Variants in HMCN2 observed in about 807,000 individuals in gnomAD.
HMCN2 encodes the protein hemicentin-2.
A neutral mutation model predicts 377.5 loss-of-function variants in HMCN2; 325 were observed. The ratio of observed to expected loss-of-function variants is 0.86; its 90% CI spans 0.79 to 0.94. The LOEUF (loss-of-function observed/expected upper bound fraction) is 0.94, where lower values mean the gene tolerates loss of function less well. HMCN2 is among the 40% of genes least tolerant of loss of function. The pLI is 0.00. For missense variants in HMCN2, 4,543 were observed against 4,725.3 expected, an observed-to-expected ratio of 0.96 and a Z score of 1.13; for synonymous variants, 2,007 against 2,046.8, an observed-to-expected ratio of 0.98 and a Z score of 0.53.
intron 6 of HMCN2, 97 bp downstream of exon 6, chr9:130,295,869 G>A (rs921076341): frequency 1.4e-5 from 6 of 422,748 alleles, no homozygotes; most frequent in Non-Finnish European, 2.9e-5. Context: ...GCCTCGGGAA[G>A]CTGATGGCTA....
intron 61 of HMCN2, among the ~76,000 whole-genome samples, chr9:130,387,112 G>A (rs1313764612): frequency 6.6e-6 from 1 of 152,194 alleles, no homozygotes; most frequent in Admixed American, 6.5e-5. Flanking sequence ...ATCCCCAGGG[G>A]GGCCTGTCCC....
At chr9:130,272,033 C>T (rs1554921305) in intron 1 of HMCN2, among the ~76,000 whole-genome samples, 1 of 149,014 alleles carries the variant, frequency 6.7e-6, no homozygotes, top group African/African-American at 2.4e-5. Context: ...TGTCTCCTGC[C>T]ACCCACCATC....
chr9:130,365,736 C>T lies in HMCN2; in HGVS notation c.6505+9C>T, dbSNP rs1241033245. ...CAATCTGAACGTCTGGGGTGAGGGT[C>T]TCCCAGGCTGGGCAGGGGGAGGGGG... On this transcript the variant is annotated intron_variant, in intron 42 of 97. Transcript: ENST00000683500. 5.1e-6 allele frequency: 5 copies of T among 985,028 alleles called. No individual in the cohort carries two copies. Among genetic ancestry groups the T allele is most frequent in the Non-Finnish European group, 6.0e-6 (5 of 829,250 alleles). 61.0% of individuals were successfully genotyped at this position (985,028 alleles called of 1,614,324 possible).
chr9:130,405,584 C>T (rs1843052060), intron 81 of HMCN2, among the ~76,000 whole-genome samples: 1 of 152,204 alleles, frequency 6.6e-6, no homozygotes, highest in African/African-American at 2.4e-5. Flanking sequence ...CGCACCGGCC[C>T]TGCTTGAATG....
At chr9:130,395,457 T>A in intron 71 of HMCN2, 110 bp downstream of exon 71, 1 of 933,980 alleles carries the variant, frequency 1.1e-6, no homozygotes, top group African/African-American at 1.7e-5. Flanking sequence ...CGCTCTGAGC[T>A]GCACTTTGCA....
intron 74 of HMCN2, 70 bp from the exon 75 acceptor site, chr9:130,398,481 G>T (rs190660862): frequency 2.1e-4 from 185 of 883,228 alleles, no homozygotes; most frequent in Middle Eastern, 1.4e-3. Flanking sequence ...TTGCCCCTGG[G>T]CACAGCCTCA....
chr9:130,378,527 G>T (rs1307812450), intron 53 of HMCN2, among the ~76,000 whole-genome samples: 2 of 130,992 alleles, frequency 1.5e-5, no homozygotes. Context: ...GCTGGGAGGG[G>T]GAGGCAGGGA....
At chr9:130,278,408 G>A (rs961833599) in intron 1 of HMCN2, among the ~76,000 whole-genome samples, 1 of 151,886 alleles carries the variant, frequency 6.6e-6, no homozygotes, top group African/African-American at 2.4e-5. Context: ...ACAGGCGTGA[G>A]CCACCGCGCC....
chr9:130,412,544 T>C (rs1843476851), intron 85 of HMCN2, among the ~76,000 whole-genome samples: 1 of 147,108 alleles, frequency 6.8e-6, no homozygotes, highest in African/African-American at 2.5e-5. Context: ...GTCTTTTTCT[T>C]TTCTTTTCTT....
At chr9:130,344,680 G>C (rs1302084955) in intron 25 of HMCN2, among the ~76,000 whole-genome samples, 1 of 149,002 alleles carries the variant, frequency 6.7e-6, no homozygotes, top group African/African-American at 2.5e-5. Context: ...TATGTTGTTT[G>C]ATGTGTATGT....
chr9:130,385,848 G>A (rs892452813), intron 60 of HMCN2, 86 bp downstream of exon 60: 11 of 981,294 alleles, frequency 1.1e-5, no homozygotes, highest in African/African-American at 1.7e-5. Context: ...AGGAAGGTGG[G>A]CAGGATGTGA....
chr9:130,322,434 G>A (rs944031874), intron 19 of HMCN2, among the ~76,000 whole-genome samples: 2,160 of 151,626 alleles, frequency 0.014, 49 homozygotes, highest in African/African-American at 0.044. Context: ...AACCAAATAG[G>A]ATCACATGCT....
At chr9:130,284,873 G>C (rs938631893) in intron 2 of HMCN2, among the ~76,000 whole-genome samples, 200 bp downstream of exon 2, 1 of 152,222 alleles carries the variant, frequency 6.6e-6, no homozygotes, top group Non-Finnish European at 1.5e-5. Context: ...TACTCGTCAC[G>C]GTGCTGGGCT....
chr9:130,299,379 T>C (rs1272646556), intron 8 of HMCN2, 91 bp downstream of exon 8: 1 of 367,114 alleles, frequency 2.7e-6, no homozygotes, highest in African/African-American at 2.1e-5. Flanking sequence ...TTAGATTAAA[T>C]TAGATTAGAA....
In HMCN2 at chr9:130,357,850, T is replaced by C; in HGVS notation, c.5442T>C (p.Ser1814=). 7.7e-7 allele frequency: 1 copy of C among 1,303,724 alleles called. No individual in the cohort carries two copies. Among genetic ancestry groups the C allele is most frequent in the Non-Finnish European group, 1.0e-6 (1 of 988,658 alleles). The allele number at this position is 1,303,724 out of a possible 1,614,324, so 80.8% of individuals were successfully genotyped here. The change falls in exon 35 of 98, where the codon AGT becomes AGC. Residue 1814 remains serine, a synonymous_variant. Coordinates refer to ENST00000683500, the MANE Select transcript of HMCN2 (RefSeq NM_001291815.2). Reference sequence around the variant, plus strand: ...CCTTCCCAGAGTTCCCATCGGTCAGTATCATTGGGGGTGAGAACATCACAG... The same window carrying C: ...CCTTCCCAGAGTTCCCATCGGTCAGCATCATTGGGGGTGAGAACATCACAG... ...EVSVHEFPSV[S]IIGGENITAP...
chr9:130,394,664 A>G lies in HMCN2; in HGVS notation c.10692+89A>G, dbSNP rs1257359073. On this transcript the variant is annotated intron_variant, in intron 69 of 97. Coordinates refer to ENST00000683500, the MANE Select transcript of HMCN2 (RefSeq NM_001291815.2). This position sits in a 1 kb window ranked among gnomAD's most constrained non-coding sequence, Gnocchi z 5.1. ...CCCCAGACCCAGTGGGCAGTTGACAAAGTTGGGCTGAAGCACCTCCTCTGT... is the reference window on the plus strand; with the variant it reads ...CCCCAGACCCAGTGGGCAGTTGACAGAGTTGGGCTGAAGCACCTCCTCTGT... 2 of 1,070,088 alleles carry G rather than the reference A, an allele frequency of 1.9e-6. No individual in the cohort carries two copies. The highest frequency in any genetic ancestry group is 2.4e-6 in the Non-Finnish European group (2 of 821,094). 66.3% of individuals were successfully genotyped at this position (1,070,088 alleles called of 1,614,324 possible). A position where few individuals can be genotyped will look rare whatever the true frequency, so the allele number is the denominator to read the frequency against.
rs1242262740 is a variant in HMCN2, at chr9:130,400,896, G to A, written c.11719G>A (p.Ala3907Thr). ...AGCTCCGACCGTGTCCTGGAGCAAGGCAGGCGCCCAGCTAGGAGCTCGGGG... is the reference window on the plus strand; with the variant it reads ...AGCTCCGACCGTGTCCTGGAGCAAGACAGGCGCCCAGCTAGGAGCTCGGGG... ...IPAPTVSWSK[A>T]GAQLGARGSG... Residue 3907 changes from alanine to threonine, a missense_variant, in exon 77 of 98, where the codon GCA becomes ACA. By Grantham distance (58) the Ala-to-Thr change is moderately conservative. Around this residue, in one of 5 missense-constraint regions of HMCN2, gnomAD observed 1,073 missense variants for 1,319.5 expected, o/e 0.81. Transcript: ENST00000683500. The A allele has an allele frequency of 1.6e-6, 2 of 1,289,432 alleles. No homozygotes were observed. The highest frequency in any genetic ancestry group is 1.5e-5 in the African/African-American group (1 of 65,858). The allele number at this position is 1,289,432 out of a possible 1,614,324, so 79.9% of individuals were successfully genotyped here.
Position 130,302,344 on chromosome 9 carries a change from A to G in HMCN2, c.1277-513A>G, listed in dbSNP as rs959551637. ...TACAGGCGTGAGCCATCGCGCCTGG[A>G]CTGGTGGGCTCATTTTTAAATGAAA... On this transcript the variant is annotated intron_variant, in intron 8 of 97. Coordinates refer to ENST00000683500, the MANE Select transcript of HMCN2 (RefSeq NM_001291815.2). 6.6e-5 allele frequency among the ~76,000 whole-genome samples: 10 copies of G among 152,136 alleles called. No homozygotes were observed. The South Asian group carries it at 2.1e-3, about 32-fold the overall frequency.
chr9:130,314,715 C>T (rs989663041), intron 15 of HMCN2, among the ~76,000 whole-genome samples: 2 of 152,220 alleles, frequency 1.3e-5, no homozygotes, highest in Non-Finnish European at 2.9e-5. Flanking sequence ...TGGCTGCAAC[C>T]CCCAGCCCTG....
Sources: allele counts gnomAD v4.1 joint callset (sites outside exome capture counted in the v4.1 genomes callset), GRCh38; gene constraint gnomAD v4.1.1; regional missense constraint gnomAD v4.1.1; non-coding constraint Gnocchi (gnomAD v3.1); transcripts MANE v1.5; gene names NCBI Gene and HGNC (gene_info 2026-07-23, HGNC 2026-07-21).